The following MIS18A variants were observed in gnomAD, a reference collection of about 807,000 sequenced individuals.
The protein encoded by MIS18A is protein Mis18-alpha.
In MIS18A, 14 loss-of-function variants were observed where a neutral mutation model predicts 25.0. That is an observed-to-expected ratio of 0.56 (90% CI 0.37 to 0.88). The LOEUF (loss-of-function observed/expected upper bound fraction) is 0.88. Among genes scored for constraint, MIS18A ranks in the 40% least tolerant of loss-of-function variants. The pLI, the probability that MIS18A is intolerant of heterozygous loss-of-function variation, is 0.00. For missense variants in MIS18A, 292 were observed against 290.8 expected (o/e 1.00, Z -0.03); for synonymous variants, 134 against 118.6 (o/e 1.13, Z -0.84).
chr21:32,162,761 G>A, the MIS18A span, among the ~76,000 whole-genome samples: 1 of 152,154 alleles, frequency 6.6e-6, no homozygotes, highest in African/African-American at 2.4e-5. Flanking sequence ...ATATGGAAGA[G>A]TATATAACAA....
At chr21:32,199,998 T>C in the MIS18A span, among the ~76,000 whole-genome samples, 1 of 152,160 alleles carries the variant, frequency 6.6e-6, no homozygotes, top group East Asian at 1.9e-4. Context: ...AAGGCGGGAA[T>C]AGGGCTGGGC....
the MIS18A span, among the ~76,000 whole-genome samples, chr21:32,186,611 C>T: frequency 6.6e-6 from 1 of 152,178 alleles, no homozygotes; most frequent in African/African-American, 2.4e-5. Context: ...GAGGGCGATA[C>T]ATCTACAACT....
At chr21:32,259,121 G>A in the MIS18A span, among the ~76,000 whole-genome samples, 3 of 152,106 alleles carry the variant, frequency 2.0e-5, no homozygotes, top group Non-Finnish European at 4.4e-5. Flanking sequence ...CGATCCTCCT[G>A]CCTCGGCCTC....
At chr21:32,198,536 G>T in the MIS18A span, among the ~76,000 whole-genome samples, 1 of 152,214 alleles carries the variant, frequency 6.6e-6, no homozygotes, top group Non-Finnish European at 1.5e-5. Flanking sequence ...CTCCCCTCGG[G>T]TGCTGTTGCC....
chr21:32,240,043 G>GT, the MIS18A span, among the ~76,000 whole-genome samples: 3 of 152,226 alleles, frequency 2.0e-5, no homozygotes. Flanking sequence ...TTCCATTTGA[G>GT]TTGTTGGGAA....
chr21:32,207,631 A>G, the MIS18A span, among the ~76,000 whole-genome samples: 1 of 152,078 alleles, frequency 6.6e-6, no homozygotes, highest in Admixed American at 6.5e-5. Context: ...CAACACTGGC[A>G]TAAATGGGGA....
chr21:32,238,105 T>C, the MIS18A span, among the ~76,000 whole-genome samples: 1 of 152,192 alleles, frequency 6.6e-6, no homozygotes, highest in Non-Finnish European at 1.5e-5. Flanking sequence ...TCCACACTCA[T>C]CTCTTCTTCT....
chr21:32,198,906 TAAA>T, the MIS18A span, among the ~76,000 whole-genome samples: 7 of 131,880 alleles, frequency 5.3e-5, no homozygotes, highest in Admixed American at 7.6e-5. Context: ...AGGCTCTGTC[TAAA>T]AAAAAAAAAA....
At chr21:32,273,864 C>T (rs1448152545) in intron 2 of MIS18A, among the ~76,000 whole-genome samples, 2 of 152,116 alleles carry the variant, frequency 1.3e-5, no homozygotes, top group Non-Finnish European at 2.9e-5. Context: ...TTATTTCATA[C>T]GCAAGTGTAA....
the MIS18A span, among the ~76,000 whole-genome samples, chr21:32,233,150 G>C: frequency 6.6e-6 from 1 of 152,288 alleles, no homozygotes; most frequent in African/African-American, 2.4e-5. Context: ...TGAATTCCTT[G>C]TTTTCTGAAT....
At chr21:32,203,063 T>C in the MIS18A span, among the ~76,000 whole-genome samples, 1 of 152,064 alleles carries the variant, frequency 6.6e-6, no homozygotes, top group Non-Finnish European at 1.5e-5. Flanking sequence ...TACTGTTTTC[T>C]TAAAAATTTG....
the MIS18A span, among the ~76,000 whole-genome samples, chr21:32,159,353 ATTTAC>A: frequency 1.4e-4 from 22 of 152,312 alleles, no homozygotes; most frequent in Non-Finnish European, 2.6e-4. Context: ...AATTTCAGGT[ATTTAC>A]TTTAGTAATA....
At chr21:32,184,733 G>A in the MIS18A span, among the ~76,000 whole-genome samples, 1 of 152,072 alleles carries the variant, frequency 6.6e-6, no homozygotes, top group African/African-American at 2.4e-5. Context: ...CCCACTACAG[G>A]TTGGGCTCCC....
the MIS18A span, among the ~76,000 whole-genome samples, chr21:32,199,940 C>T: frequency 6.6e-6 from 1 of 152,164 alleles, no homozygotes; most frequent in African/African-American, 2.4e-5. Context: ...ATTAAGGTTA[C>T]AAAAGTGTGT....
chr21:32,211,941 A>G, the MIS18A span, among the ~76,000 whole-genome samples: 1 of 152,172 alleles, frequency 6.6e-6, no homozygotes, highest in South Asian at 2.1e-4. Context: ...CCCCAGGCCC[A>G]TACCCTATCT....
chr21:32,218,192 C>CAAAAAAAAAAAAAAAAA, the MIS18A span, among the ~76,000 whole-genome samples: 10 of 56,368 alleles, frequency 1.8e-4, no homozygotes, highest in Non-Finnish European at 2.6e-4. Flanking sequence ...GACTCCATCT[C>CAAAAAAAAAAAAAAAAA]AAAAAAAAAA....
At chr21:32,202,049 G>A in the MIS18A span, among the ~76,000 whole-genome samples, 2 of 152,142 alleles carry the variant, frequency 1.3e-5, no homozygotes, top group Non-Finnish European at 2.9e-5. Flanking sequence ...AGCACTTTAG[G>A]AGACCAAGGA....
intron 2 of MIS18A, among the ~76,000 whole-genome samples, chr21:32,273,044 C>T (rs927607065): frequency 6.6e-6 from 1 of 151,990 alleles, no homozygotes; most frequent in African/African-American, 2.4e-5. Context: ...CATGCCGGCA[C>T]CACAATTTCT....
Position 32,279,005 on chromosome 21 carries a change from C to A in MIS18A, c.10G>T (p.Val4Phe), listed in dbSNP as rs1156748144. 1 of 1,596,468 alleles carries A rather than the reference C, an allele frequency of 6.3e-7. No homozygotes were observed. Among genetic ancestry groups the A allele is most frequent in the South Asian group, 1.1e-5 (1 of 90,810 alleles). MAG[V>F]RSLRCSRGCA... ...CCTCTGCTACACCTCAGTGACCGAA[C>A]GCCTGCCATTACCTACAAATCGCCC... The change falls in exon 1 of 5, where the codon GTT (valine) becomes TTT (phenylalanine). Residue 4 changes from valine to phenylalanine, a missense_variant. Transcript: ENST00000290130.
Sources: allele counts gnomAD v4.1 joint callset (sites outside exome capture counted in the v4.1 genomes callset), GRCh38; gene constraint gnomAD v4.1.1; transcripts MANE v1.5; gene names NCBI Gene and HGNC (gene_info 2026-07-23, HGNC 2026-07-21).